Variants in SPTLC3 observed in about 807,000 individuals in gnomAD.
SPTLC3 encodes the protein serine palmitoyltransferase long chain base subunit 3, also known as serine palmitoyltransferase 3.
A neutral mutation model predicts 59.3 loss-of-function variants in SPTLC3; 36 were observed. The ratio of observed to expected loss-of-function variants is 0.61; its 90% CI spans 0.47 to 0.80. The LOEUF (loss-of-function observed/expected upper bound fraction) is 0.80, where lower values mean the gene tolerates loss of function less well. Ranked by LOEUF, SPTLC3 falls within the 30% of genes least tolerant of loss-of-function variation. SPTLC3 has a pLI of 0.00. For missense variants in SPTLC3, 625 were observed against 685.1 expected, an observed-to-expected ratio of 0.91 and a Z score of 0.98; for synonymous variants, 257 against 240.8, an observed-to-expected ratio of 1.07 and a Z score of -0.62.
At chr20:13,021,690 A>C (rs1985894897) in intron 1 of SPTLC3, among the ~76,000 whole-genome samples, 1 of 152,108 alleles carries the variant, frequency 6.6e-6, no homozygotes, top group Non-Finnish European at 1.5e-5. Context: ...GACTGCACAC[A>C]GCAGTAGGAG....
intron 10 of SPTLC3, among the ~76,000 whole-genome samples, chr20:13,155,758 G>A (rs1337488560): frequency 1.3e-5 from 2 of 152,060 alleles, no homozygotes; most frequent in Non-Finnish European, 1.5e-5. Flanking sequence ...CCTGGGAGGT[G>A]GAGCTTGCAG....
At chr20:13,075,096 T>C (rs1988594202) in intron 4 of SPTLC3, among the ~76,000 whole-genome samples, 1 of 150,914 alleles carries the variant, frequency 6.6e-6, no homozygotes, top group Non-Finnish European at 1.5e-5. Flanking sequence ...TTTCAATTCT[T>C]GGCATGAGGA....
At chr20:13,069,756 C>T (rs1357897406) in intron 2 of SPTLC3, among the ~76,000 whole-genome samples, 1 of 152,126 alleles carries the variant, frequency 6.6e-6, no homozygotes, top group Non-Finnish European at 1.5e-5. Context: ...CTTGTAGTTC[C>T]AAATCTGAAA....
chr20:13,047,364 A>G (rs927073746), intron 1 of SPTLC3, among the ~76,000 whole-genome samples: 2 of 152,272 alleles, frequency 1.3e-5, no homozygotes, highest in Non-Finnish European at 2.9e-5. Context: ...ACACGATTTA[A>G]TATCATAAAT....
At chr20:13,035,571 TAAAC>T (rs1986697503) in intron 1 of SPTLC3, among the ~76,000 whole-genome samples, 1 of 152,170 alleles carries the variant, frequency 6.6e-6, no homozygotes, top group Non-Finnish European at 1.5e-5. Flanking sequence ...TGTGTCCAAA[TAAAC>T]GTATCAACCA....
chr20:13,123,528 T>C (rs2037916531), intron 8 of SPTLC3, among the ~76,000 whole-genome samples: 1 of 152,148 alleles, frequency 6.6e-6, no homozygotes, highest in African/African-American at 2.4e-5. Context: ...CACACGGCAG[T>C]AAGTGGCAAA....
intron 6 of SPTLC3, among the ~76,000 whole-genome samples, chr20:13,109,456 C>T (rs1356065750): frequency 6.6e-6 from 1 of 152,154 alleles, no homozygotes; most frequent in East Asian, 1.9e-4. Flanking sequence ...AATGGAAATG[C>T]TACTAGTACT....
At chr20:13,040,077 GTA>G (rs1491207975) in intron 1 of SPTLC3, among the ~76,000 whole-genome samples, 10 of 144,614 alleles carry the variant, frequency 6.9e-5, no homozygotes, top group African/African-American at 2.0e-4. Context: ...GTGTGTGTGT[GTA>G]TGTATACATA....
intron 6 of SPTLC3, among the ~76,000 whole-genome samples, chr20:13,100,541 G>A (rs1443522451): frequency 6.6e-6 from 1 of 152,016 alleles, no homozygotes; most frequent in Non-Finnish European, 1.5e-5. Flanking sequence ...ACCAGCCTGG[G>A]CAACATAGCA....
At chr20:13,153,947 C>G in intron 9 of SPTLC3, 56 bp from the exon 10 acceptor site, 2 of 1,598,922 alleles carry the variant, frequency 1.3e-6, no homozygotes, top group Non-Finnish European at 8.5e-7. Context: ...TTGACCGGAC[C>G]TTTACTTCCC....
intron 2 of SPTLC3, among the ~76,000 whole-genome samples, chr20:13,070,235 C>A (rs1414717212): frequency 6.6e-6 from 1 of 152,136 alleles, no homozygotes; most frequent in East Asian, 1.9e-4. Context: ...CAAGGTGAGA[C>A]TTTTAAATGT....
chr20:13,133,688 A>G (rs1247816524), intron 9 of SPTLC3, among the ~76,000 whole-genome samples: 3 of 152,072 alleles, frequency 2.0e-5, no homozygotes, highest in Non-Finnish European at 4.4e-5. Context: ...GAGCTGAGTT[A>G]AGGGGTAGCA....
intron 1 of SPTLC3, among the ~76,000 whole-genome samples, chr20:13,021,746 G>A (rs1448709500): frequency 2.0e-5 from 3 of 152,132 alleles, no homozygotes; most frequent in Admixed American, 2.0e-4. Flanking sequence ...TGTTTGATGT[G>A]CTCTCGTGGT....
At chr20:13,009,532 C>A in intron 1 of SPTLC3, 148 bp downstream of exon 1, 2 of 726,284 alleles carry the variant, frequency 2.8e-6, no homozygotes, top group Non-Finnish European at 4.5e-6. Flanking sequence ...ATAGAAAGTG[C>A]TTGGCTACCA....
At chr20:13,162,599 G>T (rs957957512) in intron 11 of SPTLC3, among the ~76,000 whole-genome samples, 4 of 152,088 alleles carry the variant, frequency 2.6e-5, no homozygotes, top group African/African-American at 9.7e-5. Flanking sequence ...TGCACTCTGC[G>T]ACCACATTTG....
intron 4 of SPTLC3, among the ~76,000 whole-genome samples, chr20:13,086,764 C>T (rs1449581343): frequency 6.6e-6 from 1 of 151,990 alleles, no homozygotes; most frequent in Non-Finnish European, 1.5e-5. Flanking sequence ...TCTCTCTTCC[C>T]TTGTTTTCTT....
At chr20:13,126,543 T>G in intron 8 of SPTLC3, 48 bp from the exon 9 acceptor site, 3 of 1,605,270 alleles carry the variant, frequency 1.9e-6, no homozygotes, top group Non-Finnish European at 2.6e-6. Flanking sequence ...CCACCACCAG[T>G]GTTGAGATTT....
At position 13,147,809 on chromosome 20, in the gene SPTLC3, T is replaced by C. The variant is rs117077988; in HGVS notation, c.1280-6194T>C. Among the ~76,000 whole-genome samples the C allele has an allele frequency of 2.0e-3, 311 of 152,318 alleles. 1 individual carries two copies. The highest frequency in any genetic ancestry group is 3.4e-3 in the Middle Eastern group (1 of 294). ...TGGACAGTGGTCATATGCTAAATAA[T>C]TGAAGGAGGGAATGAGCTGGGTATA... is the stretch of plus-strand genomic sequence containing the variant. On this transcript the variant is annotated intron_variant, in intron 9 of 11. Transcript: ENST00000399002.
At chr20:13,018,333 T>C (rs777762998) in intron 1 of SPTLC3, among the ~76,000 whole-genome samples, 14 of 152,232 alleles carry the variant, frequency 9.2e-5, no homozygotes, top group Non-Finnish European at 1.8e-4. Context: ...CAGAGTTTGC[T>C]TTGACCATGA....
Sources: allele counts gnomAD v4.1 joint callset (sites outside exome capture counted in the v4.1 genomes callset), GRCh38; gene constraint gnomAD v4.1.1; transcripts MANE v1.5; gene names NCBI Gene and HGNC (gene_info 2026-07-23, HGNC 2026-07-21).